NBAS: variants seen among roughly 807,000 people sequenced by gnomAD.
NBAS encodes NBAS subunit of NRZ tethering complex, also known as NAG/BC035112 fusion.
NBAS carries 219 observed loss-of-function variants against 302.5 expected under a neutral mutation model. The observed-to-expected ratio is 0.72, with a 90% CI of 0.65 to 0.81. The LOEUF is 0.81. Among genes scored for constraint, NBAS ranks in the 30% least tolerant of loss-of-function variants. NBAS has a pLI of 0.00. For synonymous variants in NBAS, 1,118 were observed against 1,021.6 expected (o/e 1.09, Z -1.80); for missense variants, 2,932 against 2,841.6 (o/e 1.03, Z -0.72).
the NBAS span, among the ~76,000 whole-genome samples, chr2:15,068,909 T>G: frequency 6.6e-6 from 1 of 152,232 alleles, no homozygotes; most frequent in African/African-American, 2.4e-5. Flanking sequence ...GGTCAAGAGC[T>G]GCATCCAGTG....
chr2:15,026,890 G>A, the NBAS span, among the ~76,000 whole-genome samples: 7 of 152,128 alleles, frequency 4.6e-5, no homozygotes, highest in South Asian at 6.2e-4. Flanking sequence ...TGCCAGCTTC[G>A]TTTCTTAAAT....
rs186445363 is a variant in NBAS at position 15,286,168 on chromosome 2, A to C, written c.5138+905T>G. On this transcript the variant is annotated intron_variant, in intron 42 of 51. Coordinates refer to ENST00000281513, the MANE Select transcript of NBAS (RefSeq NM_015909.4). ...TCTATTTCACCTTTTAAATATCTCT[A>C]AAACCCATTCTGGCCTGCCTTTCTG... 3.5e-3 allele frequency among the ~76,000 whole-genome samples: 532 copies of C among 152,280 alleles called. 2 individuals are homozygous for C. The highest frequency in any genetic ancestry group is 7.7e-3 in the Admixed American group (117 of 15,290).
rs894365733 is a variant in NBAS, at chr2:15,238,300, T to C, written c.5943+168A>G. Reference sequence around the variant, plus strand: ...CATTTTGAAAGAAGTGGAAACTGAATTGTCAATCAAGTGATCATGAAGAGG... The same window carrying C: ...CATTTTGAAAGAAGTGGAAACTGAACTGTCAATCAAGTGATCATGAAGAGG... On this transcript the variant is annotated intron_variant, in intron 45 of 51. Coordinates refer to ENST00000281513, the MANE Select transcript of NBAS (RefSeq NM_015909.4). 4.6e-5 allele frequency among the ~76,000 whole-genome samples: 7 copies of C among 152,262 alleles called. No individual in the cohort carries two copies. The East Asian group carries it at 1.4e-3, about 29-fold the overall frequency.
chr2:14,795,367 A>G, the NBAS span, among the ~76,000 whole-genome samples: 86,439 of 151,884 alleles, frequency 0.57, 27,001 homozygotes, highest in African/African-American at 0.85. Flanking sequence ...ATCTTTGTGC[A>G]TGCTTATTTG....
At chr2:14,966,948 G>A in the NBAS span, among the ~76,000 whole-genome samples, 8 of 151,996 alleles carry the variant, frequency 5.3e-5, no homozygotes, top group Non-Finnish European at 8.8e-5. Flanking sequence ...GTTTAGCAAG[G>A]TTTTGGTATA....
intron 48 of NBAS, among the ~76,000 whole-genome samples, chr2:15,194,703 T>C (rs1265259805): frequency 6.6e-6 from 1 of 152,128 alleles, no homozygotes; most frequent in East Asian, 1.9e-4. Context: ...AGAACAAAAG[T>C]TGTAAACCAT....
At chr2:15,322,530 G>T (rs1242385366) in intron 38 of NBAS, among the ~76,000 whole-genome samples, 4 of 152,138 alleles carry the variant, frequency 2.6e-5, no homozygotes, top group Admixed American at 2.6e-4. Flanking sequence ...ACAGAGGAAA[G>T]TTGCCCATAT....
At chr2:14,806,581 G>A in the NBAS span, among the ~76,000 whole-genome samples, 73 of 152,230 alleles carry the variant, frequency 4.8e-4, 1 homozygote, top group African/African-American at 9.1e-4. Flanking sequence ...TCCCATCCAT[G>A]AGCAAGTATC....
the NBAS span, among the ~76,000 whole-genome samples, chr2:15,119,349 C>T: frequency 2.7e-5 from 4 of 147,512 alleles, no homozygotes; most frequent in Non-Finnish European, 6.0e-5. Context: ...TGCACTGTCG[C>T]CCAGGCCAGA....
At chr2:14,982,937 A>C in the NBAS span, among the ~76,000 whole-genome samples, 75 of 152,254 alleles carry the variant, frequency 4.9e-4, no homozygotes, top group South Asian at 3.7e-3. Context: ...AAAAATATCA[A>C]AAAGAGTACA....
chr2:15,285,664 T>C (rs891434422), intron 42 of NBAS, among the ~76,000 whole-genome samples: 1 of 152,196 alleles, frequency 6.6e-6, no homozygotes, highest in African/African-American at 2.4e-5. Flanking sequence ...CTATTTTTTC[T>C]TTTTTTGAGA....
At chr2:15,158,315 G>T in the NBAS span, among the ~76,000 whole-genome samples, 2 of 152,218 alleles carry the variant, frequency 1.3e-5, no homozygotes, top group African/African-American at 4.8e-5. Flanking sequence ...CGGGGTTGGG[G>T]TTGCTTTTCT....
chr2:15,203,099 T>G (rs1436935001), intron 48 of NBAS, among the ~76,000 whole-genome samples: 1 of 152,146 alleles, frequency 6.6e-6, no homozygotes, highest in Non-Finnish European at 1.5e-5. Flanking sequence ...ACTTTGAGAA[T>G]AATATAGTAT....
chr2:15,037,859 ACT>A, the NBAS span, among the ~76,000 whole-genome samples: 1 of 152,006 alleles, frequency 6.6e-6, no homozygotes, highest in Non-Finnish European at 1.5e-5. Flanking sequence ...ATTGATTAAA[ACT>A]CAGGTTTCAG....
At chr2:14,863,608 C>G in the NBAS span, among the ~76,000 whole-genome samples, 1 of 152,220 alleles carries the variant, frequency 6.6e-6, no homozygotes, top group South Asian at 2.1e-4. Context: ...CTCCAGACTT[C>G]TTGGTTCCTG....
At chr2:15,062,015 A>T in the NBAS span, among the ~76,000 whole-genome samples, 1 of 152,112 alleles carries the variant, frequency 6.6e-6, no homozygotes, top group Non-Finnish European at 1.5e-5. Context: ...CCCAAGAAGC[A>T]CCTTCCAGAT....
intron 48 of NBAS, among the ~76,000 whole-genome samples, chr2:15,203,912 G>GCT: frequency 6.6e-6 from 1 of 151,206 alleles, no homozygotes; most frequent in Admixed American, 6.6e-5. Context: ...GTGTGTGTGT[G>GCT]TGTGTGTGTG....
the NBAS span, among the ~76,000 whole-genome samples, chr2:15,150,479 C>T: frequency 1.3e-5 from 2 of 152,112 alleles, no homozygotes; most frequent in Non-Finnish European, 2.9e-5. Context: ...CAATGTTGTG[C>T]ACCTGAGCTG....
In NBAS at chr2:15,488,907, C is replaced by T. The variant is rs937961109; in HGVS notation, c.1070G>A (p.Gly357Asp). Residue 357 changes from glycine (G) to aspartate (D), a missense_variant, in exon 12 of 52, where the codon GGT becomes GAT. Transcript: ENST00000281513. Reference sequence around the variant, plus strand: ...CAAGAGACGCACCTGCTCATTTTGACCCCATTCCCCTTGTTGCTTCAGAGA... The same window carrying T: ...CAAGAGACGCACCTGCTCATTTTGATCCCATTCCCCTTGTTGCTTCAGAGA... ...IPSLKQQGEW[G>D]QNEQPGYDDL... 1 of 1,613,768 alleles carries T rather than the reference C, an allele frequency of 6.2e-7. No homozygotes were observed. The highest frequency in any genetic ancestry group is 8.5e-7 in the Non-Finnish European group (1 of 1,179,746).
Sources: gnomAD v4.1 joint callset for allele counts (sites outside exome capture counted in the v4.1 genomes callset) on GRCh38, gnomAD v4.1.1 for gene constraint, MANE v1.5 for transcripts, NCBI Gene and HGNC (gene_info 2026-07-23, HGNC 2026-07-21) for gene names.